RBM38: variants seen among roughly 807,000 people sequenced by gnomAD.
RBM38 encodes RNA-binding protein 38.
RBM38 carries 11 observed loss-of-function variants against 23.5 expected under a neutral mutation model. The observed-to-expected ratio is 0.47, with a 90% CI of 0.29 to 0.77. RBM38 has a LOEUF of 0.77. Ranked by LOEUF, RBM38 falls within the 30% of genes least tolerant of loss-of-function variation. The pLI is 0.08. For synonymous variants in RBM38, 165 were observed against 166.1 expected, an observed-to-expected ratio of 0.99 and a Z score of 0.05; for missense variants, 330 against 351.9, an observed-to-expected ratio of 0.94 and a Z score of 0.50.
Position 57,407,524 on chromosome 20 carries a change from G to C in RBM38, c.417-19G>C. 6.2e-7 allele frequency: 1 copy of C among 1,610,630 alleles called. No homozygotes were observed. The highest frequency in any genetic ancestry group is 8.5e-7 in the Non-Finnish European group (1 of 1,177,818). On this transcript the variant is annotated intron_variant, in intron 3 of 3. Transcript: ENST00000356208. The surrounding 1 kb of genome is among the most constrained non-coding windows in gnomAD (Gnocchi z 4.0). ...CCCAACTCCGTTCTGGCCCTAACCT[G>C]CTCTGCTTGGCCCCACAGGCTGACC...
intron 2 of RBM38, 25 bp downstream of exon 2, chr20:57,392,802 G>T: frequency 1.9e-6 from 3 of 1,607,836 alleles, no homozygotes; most frequent in Non-Finnish European, 2.5e-6. Context: ...TTTCCTGCCT[G>T]GCTCTTCTCG....
Position 57,407,201 on chromosome 20 carries a change from T to G in RBM38, c.417-342T>G, listed in dbSNP as rs578228592. Reference sequence around the variant, plus strand: ...TGATCGCATGCTCCGCCGTCGTGGCTTCAAACTCTCAATCATTTGAAAACA... The same window carrying G: ...TGATCGCATGCTCCGCCGTCGTGGCGTCAAACTCTCAATCATTTGAAAACA... On this transcript the variant is annotated intron_variant, in intron 3 of 3. Coordinates refer to ENST00000356208, the MANE Select transcript of RBM38 (RefSeq NM_017495.6). This position sits in a 1 kb window ranked among gnomAD's most constrained non-coding sequence, Gnocchi z 4.0. Among the ~76,000 whole-genome samples, 1 of 152,220 alleles carries G rather than the reference T, an allele frequency of 6.6e-6. No homozygotes were observed. The highest frequency in any genetic ancestry group is 2.1e-4 in the South Asian group (1 of 4,828).
intron 3 of RBM38, among the ~76,000 whole-genome samples, chr20:57,395,775 C>A (rs1295607059): frequency 7.1e-6 from 1 of 141,488 alleles, no homozygotes; most frequent in African/African-American, 3.1e-5. Context: ...AGAGCTGGGC[C>A]GGAGCTGGAG....
intron 3 of RBM38, among the ~76,000 whole-genome samples, chr20:57,396,375 G>A (rs989332885): frequency 2.0e-4 from 31 of 152,330 alleles, no homozygotes; most frequent in Admixed American, 5.2e-4. Flanking sequence ...GCCGGTGGGA[G>A]GGGAGGTGCA....
rs766330885 is a variant in RBM38, at chr20:57,407,777, C to T, written c.651C>T (p.Ala217=). ...CCGCCGTGCCCCAGGCCCTCTCAGCCGCAGCACCCGCGGGCACCACTTTCG... is the reference window on the plus strand; with the variant it reads ...CCGCCGTGCCCCAGGCCCTCTCAGCTGCAGCACCCGCGGGCACCACTTTCG... The part of the protein sequence containing the change: ...YPAAVPQALS[A]AAPAGTTFVQ... The change falls in exon 4 of 4, where the codon GCC becomes GCT. Residue 217 remains alanine, a synonymous_variant. Coordinates refer to ENST00000356208, the MANE Select transcript of RBM38 (RefSeq NM_017495.6). This position sits in a 1 kb window ranked among gnomAD's most constrained non-coding sequence, Gnocchi z 4.0. 4.0e-5 allele frequency: 64 copies of T among 1,606,144 alleles called. No individual in the cohort carries two copies. Among genetic ancestry groups the T allele is most frequent in the African/African-American group, 3.6e-4 (27 of 74,826 alleles).
In RBM38 at chr20:57,399,154, G is replaced by A. The variant is rs146162222; in HGVS notation, c.416+5821G>A. ...GCTGGGGAGGGGAAGGGAGCAGCCG[G>A]GGAGGCTCAGGGCCCGACAGGGTAG... On this transcript the variant is annotated intron_variant, in intron 3 of 3. Transcript: ENST00000356208. Among the ~76,000 whole-genome samples the A allele has an allele frequency of 6.9e-3, 1,052 of 152,318 alleles. 8 individuals carry two copies. The highest frequency in any genetic ancestry group is 0.011 in the Non-Finnish European group (747 of 68,020).
At chr20:57,391,946 C>T in intron 1 of RBM38, 128 bp downstream of exon 1, 3 of 567,628 alleles carry the variant, frequency 5.3e-6, no homozygotes, top group Non-Finnish European at 7.5e-6. Context: ...CTCCAGCCGG[C>T]GCCCGCACCT....
At chr20:57,397,727 C>T (rs1359225571) in intron 3 of RBM38, among the ~76,000 whole-genome samples, 2 of 152,244 alleles carry the variant, frequency 1.3e-5, no homozygotes, top group African/African-American at 4.8e-5. Flanking sequence ...CTCCCAGCAT[C>T]ATTCATTCAT....
Position 57,407,479 on chromosome 20 carries a change from C to T in RBM38, c.417-64C>T. Reference sequence around the variant, plus strand: ...GGGGCGGCACGCATCGTGTACCCCACTGTTCTCCCAGCTGTATTCCCCAAC... The same window carrying T: ...GGGGCGGCACGCATCGTGTACCCCATTGTTCTCCCAGCTGTATTCCCCAAC... On this transcript the variant is annotated intron_variant, in intron 3 of 3. Transcript: ENST00000356208. The surrounding 1 kb of genome is among the most constrained non-coding windows in gnomAD (Gnocchi z 4.0). The T allele has an allele frequency of 6.5e-7, 1 of 1,546,246 alleles. No individual in the cohort carries two copies. The highest frequency in any genetic ancestry group is 1.2e-5 in the South Asian group (1 of 84,678).
At chr20:57,394,284 T>A (rs1204538193) in intron 3 of RBM38, among the ~76,000 whole-genome samples, 3 of 152,194 alleles carry the variant, frequency 2.0e-5, no homozygotes, top group Non-Finnish European at 4.4e-5. Flanking sequence ...TGGGGCAGTG[T>A]GGACAAGGAT....
At position 57,408,461 on chromosome 20, in the gene RBM38, G is replaced by T. The variant is rs2067411396; in HGVS notation, c.*615G>T. ...CGGTAACAGGGGCCGCCGGCCAAAG[G>T]CCCCTTTCCAGTCATAGCACTGAAG... is the stretch of plus-strand genomic sequence containing the variant. On this transcript the variant is annotated 3_prime_UTR_variant, in exon 4 of 4. Coordinates refer to ENST00000356208, the MANE Select transcript of RBM38 (RefSeq NM_017495.6). 1 of 154,328 alleles carries T rather than the reference G, an allele frequency of 6.5e-6. No homozygotes were observed. Among genetic ancestry groups the T allele is most frequent in the South Asian group, 2.0e-4 (1 of 4,940 alleles). 9.6% of individuals were successfully genotyped at this position (154,328 alleles called of 1,614,324 possible).
intron 2 of RBM38, 182 bp downstream of exon 2, chr20:57,392,959 G>T: frequency 1.2e-6 from 1 of 857,666 alleles, no homozygotes; most frequent in South Asian, 1.8e-5. Context: ...CTCACAGCGT[G>T]TGGCCCAAAG....
intron 3 of RBM38, among the ~76,000 whole-genome samples, chr20:57,394,568 T>A (rs1177768432): frequency 6.6e-6 from 1 of 151,968 alleles, no homozygotes; most frequent in East Asian, 1.9e-4. Context: ...CCTGCCGGGG[T>A]GCCTCTGTCC....
chr20:57,395,964 A>G (rs1216402248), intron 3 of RBM38, among the ~76,000 whole-genome samples: 1 of 151,908 alleles, frequency 6.6e-6, no homozygotes, highest in African/African-American at 2.4e-5. Context: ...CCACCAGTTA[A>G]CCCCTTCCGT....
At chr20:57,399,116 G>T (rs2067302858) in intron 3 of RBM38, among the ~76,000 whole-genome samples, 1 of 152,216 alleles carries the variant, frequency 6.6e-6, no homozygotes, top group Non-Finnish European at 1.5e-5. Flanking sequence ...GCATGCCTCA[G>T]AAGGCGACAG....
chr20:57,404,305 C>G (rs1356526232), intron 3 of RBM38, among the ~76,000 whole-genome samples: 1 of 152,240 alleles, frequency 6.6e-6, no homozygotes, highest in Non-Finnish European at 1.5e-5. Context: ...TTCCTGGGCC[C>G]CATCTGCCTT....
rs1350675614 is a variant in RBM38 at position 57,407,838 on chromosome 20, A to C, written c.712A>C (p.Met238Leu). 6.4e-6 allele frequency: 10 copies of C among 1,566,742 alleles called. No individual in the cohort carries two copies. Among genetic ancestry groups the C allele is most frequent in the Non-Finnish European group, 8.6e-6 (10 of 1,160,136 alleles). ...YQAPQLQPDR[M>L]Q ...GGCGCCGCAGCTGCAGCCTGACAGG[A>C]TGCAGTGAGGGGCGTTCCTGCCCCG... The change falls in exon 4 of 4, where the codon ATG (methionine) becomes CTG (leucine). Residue 238 changes from methionine (M) to leucine (L), a missense_variant. By Grantham distance (15) the Met-to-Leu change is conservative. Coordinates refer to ENST00000356208, the MANE Select transcript of RBM38 (RefSeq NM_017495.6). The surrounding 1 kb of genome is among the most constrained non-coding windows in gnomAD (Gnocchi z 4.0).
At chr20:57,402,218 T>G (rs972055866) in intron 3 of RBM38, among the ~76,000 whole-genome samples, 8 of 152,198 alleles carry the variant, frequency 5.3e-5, no homozygotes, top group African/African-American at 1.7e-4. Flanking sequence ...GTGCTGGGAT[T>G]CCAGGCGTGG....
chr20:57,399,323 G>T (rs368124322), intron 3 of RBM38, among the ~76,000 whole-genome samples: 50 of 152,282 alleles, frequency 3.3e-4, no homozygotes, highest in African/African-American at 1.2e-3. Context: ...CTGGCTGCTG[G>T]GTTGAGCCTG....
Sources: gnomAD v4.1 joint callset for allele counts (sites outside exome capture counted in the v4.1 genomes callset) on GRCh38, gnomAD v4.1.1 for gene constraint, Gnocchi (gnomAD v3.1) non-coding constraint, MANE v1.5 for transcripts, NCBI Gene and HGNC (gene_info 2026-07-23, HGNC 2026-07-21) for gene names.